Variants in TPST1 observed in about 807,000 individuals in gnomAD.
The protein encoded by TPST1 is tyrosylprotein sulfotransferase 1.
Under a neutral mutation model 34.8 loss-of-function variants are expected in TPST1, and 20 were observed. The observed-to-expected ratio is 0.57, with a 90% CI of 0.40 to 0.84. The LOEUF is 0.84. TPST1 is among the 40% of genes least tolerant of loss of function. The pLI, the probability that TPST1 is intolerant of heterozygous loss-of-function variation, is 0.00. For missense variants in TPST1, 353 were observed against 455.5 expected, an observed-to-expected ratio of 0.78 and a Z score of 2.05; for synonymous variants, 152 against 159.4, an observed-to-expected ratio of 0.95 and a Z score of 0.35.
chr7:66,244,072 C>A (rs1238623833), intron 2 of TPST1, among the ~76,000 whole-genome samples: 2 of 151,564 alleles, frequency 1.3e-5, no homozygotes, highest in African/African-American at 2.4e-5. Context: ...CCTCAGCCTC[C>A]TGAGTAGGTG....
upstream of TPST1, among the ~76,000 whole-genome samples, chr7:66,200,777 A>G (rs574369086): frequency 6.6e-6 from 1 of 151,714 alleles, no homozygotes; most frequent in African/African-American, 2.4e-5. Context: ...CTCAGGCTGG[A>G]GTGCAGTTGC....
At chr7:66,357,020 A>G (rs1792595435) in intron 5 of TPST1, 149 bp downstream of exon 5, 1 of 674,956 alleles carries the variant, frequency 1.5e-6, no homozygotes, top group Admixed American at 2.6e-5. Flanking sequence ...AAGCAAGCAC[A>G]TTACTTCACC....
chr7:66,206,077 T>A (rs911106029), intron 1 of TPST1, among the ~76,000 whole-genome samples: 3 of 151,340 alleles, frequency 2.0e-5, no homozygotes, highest in Non-Finnish European at 4.4e-5. Context: ...CTCTTACTCT[T>A]AAACCTCCAG....
chr7:66,213,557 C>T (rs1188933810), intron 1 of TPST1, among the ~76,000 whole-genome samples: 1 of 152,042 alleles, frequency 6.6e-6, no homozygotes, highest in African/African-American at 2.4e-5. Flanking sequence ...AGATCGAGAC[C>T]ATCCTGGCTA....
At chr7:66,312,438 T>C (rs1584230509) in intron 3 of TPST1, among the ~76,000 whole-genome samples, 1 of 152,324 alleles carries the variant, frequency 6.6e-6, no homozygotes, top group South Asian at 2.1e-4. Flanking sequence ...GAGAATATAA[T>C]AAATCAGTAT....
chr7:66,210,704 C>T (rs2116215498), intron 1 of TPST1, among the ~76,000 whole-genome samples: 1 of 152,312 alleles, frequency 6.6e-6, no homozygotes, highest in Admixed American at 6.5e-5. Context: ...TGGCTCACAC[C>T]TGTAATCCCA....
chr7:66,283,840 G>A (rs570919689), intron 2 of TPST1, among the ~76,000 whole-genome samples: 2 of 152,234 alleles, frequency 1.3e-5, no homozygotes, highest in South Asian at 2.1e-4. Context: ...TGTATTATGT[G>A]TACCTTTGTC....
At chr7:66,303,395 A>ATGTATGTATGTATGTATGTATGTG (rs1791357716) in intron 3 of TPST1, among the ~76,000 whole-genome samples, 1 of 151,482 alleles carries the variant, frequency 6.6e-6, no homozygotes, top group African/African-American at 2.4e-5. Flanking sequence ...CTGTGTGTGT[A>ATGTATGTATGTATGTATGTATGTG]TGTATGTATG....
chr7:66,212,713 GC>G (rs2116228342), intron 1 of TPST1, among the ~76,000 whole-genome samples: 1 of 152,194 alleles, frequency 6.6e-6, no homozygotes, highest in Non-Finnish European at 1.5e-5. Flanking sequence ...CCCCACCTTG[GC>G]CTCCCAAAGT....
At chr7:66,359,274 C>T (rs1057319712) in intron 5 of TPST1, 4 of 145,086 alleles carry the variant, frequency 2.8e-5, no homozygotes, top group Non-Finnish European at 4.5e-5. Flanking sequence ...CATTTCTTCA[C>T]ATGAGGAGGA....
chr7:66,293,222 A>C (rs563431852), intron 3 of TPST1, among the ~76,000 whole-genome samples: 28 of 151,930 alleles, frequency 1.8e-4, no homozygotes, highest in Admixed American at 3.9e-4. Context: ...AAAAAAGAAA[A>C]ACTTGGGCCC....
chr7:66,243,563 C>T (rs1790081187), intron 2 of TPST1, among the ~76,000 whole-genome samples: 1 of 151,780 alleles, frequency 6.6e-6, no homozygotes, highest in South Asian at 2.1e-4. Flanking sequence ...CCCATCTCAG[C>T]CTCCCGAGTA....
Position 66,273,800 on chromosome 7 carries a change from A to T in TPST1, c.846-12711A>T, listed in dbSNP as rs1206653851. Among the ~76,000 whole-genome samples the T allele has an allele frequency of 3.3e-5, 5 of 151,952 alleles. No homozygotes were observed. In the South Asian group the frequency reaches 8.3e-4, roughly 25 times the overall value. ...GGATCAAAGTTTTATCTTGGAAAAA[A>T]AAAAATTTTTTTTTTCTTTTGAGAC... On this transcript the variant is annotated intron_variant, in intron 2 of 5. Transcript: ENST00000304842.
At chr7:66,315,709 T>G (rs10247526) in intron 3 of TPST1, among the ~76,000 whole-genome samples, 136,496 of 152,240 alleles carry the variant, frequency 0.9, 61,364 homozygotes, top group African/African-American at 0.94. Flanking sequence ...CCACATGAAT[T>G]TGTCTACTTA....
At chr7:66,239,332 T>C (rs954653107) in intron 1 of TPST1, among the ~76,000 whole-genome samples, 1 of 152,216 alleles carries the variant, frequency 6.6e-6, no homozygotes, top group African/African-American at 2.4e-5. Context: ...GTCAATTACA[T>C]GCTCCTTTTC....
chr7:66,221,089 TGC>T (rs893737725), intron 1 of TPST1, among the ~76,000 whole-genome samples: 2 of 151,142 alleles, frequency 1.3e-5, no homozygotes, highest in African/African-American at 4.9e-5. Context: ...GCCGAGATTG[TGC>T]CACTGCACTC....
chr7:66,310,781 TTCTTGTG>T (rs1791514252), intron 3 of TPST1, among the ~76,000 whole-genome samples: 1 of 151,880 alleles, frequency 6.6e-6, no homozygotes, highest in South Asian at 2.1e-4. Context: ...CTCACTTTAT[TTCTTGTG>T]CCTAAATTTG....
At chr7:66,355,733 C>CT (rs1241759322) in intron 4 of TPST1, among the ~76,000 whole-genome samples, 1 of 151,594 alleles carries the variant, frequency 6.6e-6, no homozygotes, top group Non-Finnish European at 1.5e-5. Context: ...AACTCCATCT[C>CT]TAAAAACAAG....
At chr7:66,239,471 T>A (rs1789981727) in intron 1 of TPST1, among the ~76,000 whole-genome samples, 1 of 152,226 alleles carries the variant, frequency 6.6e-6, no homozygotes, top group Non-Finnish European at 1.5e-5. Context: ...CTGTTTTCCT[T>A]TTCAAAGTTG....
Sources: allele counts gnomAD v4.1 joint callset (sites outside exome capture counted in the v4.1 genomes callset), GRCh38; gene constraint gnomAD v4.1.1; transcripts MANE v1.5; gene names NCBI Gene and HGNC (gene_info 2026-07-23, HGNC 2026-07-21).